SPTAN1: variants seen among roughly 807,000 people sequenced by gnomAD.
SPTAN1 encodes spectrin alpha, non-erythrocytic 1, also known as spectrin alpha chain, non-erythrocytic 1.
Under a neutral mutation model 331.3 loss-of-function variants are expected in SPTAN1, and 61 were observed. The ratio of observed to expected loss-of-function variants is 0.18; its 90% CI spans 0.15 to 0.23. The LOEUF is 0.23. SPTAN1 is among the 10% of genes least tolerant of loss of function. The probability of loss-of-function intolerance (pLI) is 1.00; values close to 1 mark genes in which losing one functional copy is unlikely to be tolerated. For missense variants in SPTAN1, 2,043 were observed against 3,147.9 expected, an observed-to-expected ratio of 0.65 and a Z score of 8.40; for synonymous variants, 1,153 against 1,173.9, an observed-to-expected ratio of 0.98 and a Z score of 0.36.
chr9:128,611,572 C>T, intron 37 of SPTAN1, 142 bp from the exon 38 acceptor site: 1 of 914,154 alleles, frequency 1.1e-6, no homozygotes, highest in East Asian at 2.6e-5. Flanking sequence ...ATACAAACTC[C>T]AATTGCCTTC....
chr9:128,569,405 G>C (rs1023384005), intron 3 of SPTAN1, among the ~76,000 whole-genome samples: 2 of 152,004 alleles, frequency 1.3e-5, no homozygotes, highest in African/African-American at 4.8e-5. Context: ...CCATGGTGAT[G>C]GGACTGACTT....
chr9:128,594,750 AC>A (rs923602319), intron 24 of SPTAN1, among the ~76,000 whole-genome samples: 4 of 145,964 alleles, frequency 2.7e-5, no homozygotes, highest in African/African-American at 1.0e-4. Flanking sequence ...TTGATTTCTG[AC>A]TGCAAATTAC....
chr9:128,633,118 C>A (rs1009592604), intron 56 of SPTAN1, 91 bp from the exon 57 acceptor site: 2 of 1,600,214 alleles, frequency 1.2e-6, no homozygotes, highest in Non-Finnish European at 1.7e-6. Flanking sequence ...GTAGAAGCAG[C>A]TCCGAGCCCC....
intron 20 of SPTAN1, among the ~76,000 whole-genome samples, chr9:128,588,457 A>T (rs574768316): frequency 8.9e-4 from 134 of 150,912 alleles, no homozygotes; most frequent in Admixed American, 1.3e-3. Context: ...GATTACAGGC[A>T]CGCACCACCA....
intron 41 of SPTAN1, among the ~76,000 whole-genome samples, chr9:128,617,426 C>G (rs76393340): frequency 6.6e-6 from 1 of 152,198 alleles, no homozygotes; most frequent in South Asian, 2.1e-4. Context: ...CTCCAGAATC[C>G]GGACACACAG....
At chr9:128,605,846 G>A (rs963836357) in intron 31 of SPTAN1, among the ~76,000 whole-genome samples, 1 of 152,158 alleles carries the variant, frequency 6.6e-6, no homozygotes, top group East Asian at 1.9e-4. Context: ...ACAAAAATTA[G>A]CCAGGTGTGG....
chr9:128,564,957 G>A (rs1849843066), intron 1 of SPTAN1, among the ~76,000 whole-genome samples: 1 of 152,198 alleles, frequency 6.6e-6, no homozygotes, highest in Non-Finnish European at 1.5e-5. Context: ...AGGCAGGCAT[G>A]TTGGGCCAGA....
chr9:128,569,474 C>T (rs1404725389), intron 3 of SPTAN1, among the ~76,000 whole-genome samples: 2 of 151,212 alleles, frequency 1.3e-5, no homozygotes, highest in Admixed American at 6.6e-5. Context: ...TTTATTGGAG[C>T]TGAGGTAGTA....
Position 128,632,926 on chromosome 9 carries a change from C to A in SPTAN1, c.7279C>A (p.Pro2427Thr). The A allele has an allele frequency of 6.2e-7, 1 of 1,613,272 alleles. No individual in the cohort carries two copies. The highest frequency in any genetic ancestry group is 1.6e-4 in the Middle Eastern group (1 of 6,062). ...CCGGGCCCTCAGCTCAGAGGGAAAG[C>A]CTTACGTGACCAAGGAGGAGCTCTA... ...AFRALSSEGK[P>T]YVTKEELYQN... The change falls in exon 56 of 57, where the codon CCT becomes ACT. Residue 2427 changes from proline to threonine, a missense_variant. This residue lies in a region of SPTAN1 where 88 missense variants were observed against 96.5 expected (regional missense o/e 0.91). Transcript: ENST00000372739.
intron 1 of SPTAN1, among the ~76,000 whole-genome samples, chr9:128,562,591 G>A (rs1296584003): frequency 6.6e-6 from 1 of 152,136 alleles, no homozygotes. Context: ...TGTTTACCTT[G>A]TAGTAAATGT....
chr9:128,574,328 CAATATA>C (rs1851058426), intron 3 of SPTAN1, among the ~76,000 whole-genome samples: 1 of 147,260 alleles, frequency 6.8e-6, no homozygotes, highest in Non-Finnish European at 1.5e-5. Flanking sequence ...TATAACTATA[CAATATA>C]AATATATCAT....
chr9:128,633,299 T>C lies in SPTAN1; in HGVS notation c.7399T>C (p.Tyr2467His). Reference sequence around the variant, plus strand: ...CCGCGAGCTCCCCACCGCGTTCGACTACGTGGAGTTCACCCGCTCGCTTTT... The same window carrying C: ...CCGCGAGCTCCCCACCGCGTTCGACCACGTGGAGTTCACCCGCTCGCTTTT... ...KGRELPTAFD[Y>H]VEFTRSLFVN The change falls in exon 57 of 57, where the codon TAC becomes CAC. Residue 2467 changes from tyrosine to histidine, a missense_variant. Around this residue, in one of 12 missense-constraint regions of SPTAN1, gnomAD observed 88 missense variants for 96.5 expected, o/e 0.91. Transcript: ENST00000372739. 1 of 1,613,982 alleles carries C rather than the reference T, an allele frequency of 6.2e-7. No individual in the cohort carries two copies. Among genetic ancestry groups the C allele is most frequent in the Non-Finnish European group, 8.5e-7 (1 of 1,180,028 alleles).
chr9:128,613,512 C>T (rs747546777), intron 40 of SPTAN1, 27 bp downstream of exon 40: 15 of 1,587,684 alleles, frequency 9.4e-6, no homozygotes, highest in Middle Eastern at 3.8e-4. Flanking sequence ...GGGCCAGGCC[C>T]GAGTGCCTGG....
intron 17 of SPTAN1, 44 bp downstream of exon 17, chr9:128,584,569 G>C (rs1374005496): frequency 4.3e-6 from 7 of 1,613,912 alleles, no homozygotes; most frequent in Non-Finnish European, 5.9e-6. Flanking sequence ...GGGAAAGGCT[G>C]TGCTATTGTA....
chr9:128,584,036 G>A (rs1852265615), intron 16 of SPTAN1, 67 bp downstream of exon 16: 4 of 1,594,828 alleles, frequency 2.5e-6, no homozygotes, highest in Non-Finnish European at 3.4e-6. Context: ...GGAAAAGCCA[G>A]TAATTTGAGA....
intron 24 of SPTAN1, among the ~76,000 whole-genome samples, chr9:128,597,043 C>G (rs1420941872): frequency 5.3e-5 from 8 of 152,134 alleles, no homozygotes; most frequent in Admixed American, 5.2e-4. Context: ...GCCTGTAGAC[C>G]CAGCTACTCG....
chr9:128,576,800 A>C lies in SPTAN1; in HGVS notation c.652-23A>C, dbSNP rs899955354. On this transcript the variant is annotated intron_variant, in intron 5 of 56. Coordinates refer to ENST00000372739, the MANE Select transcript of SPTAN1 (RefSeq NM_001130438.3). ...GGAGCCAGAAGTTGTGTACAAATCC[A>C]GTCTCTTCTCTTCCTTGTTTAGGAG... 10 of 1,612,826 alleles carry C rather than the reference A, an allele frequency of 6.2e-6. No homozygotes were observed. In the Middle Eastern group the frequency reaches 6.6e-4, roughly 106 times the overall value.
chr9:128,568,386 G>A (rs1850278850), intron 2 of SPTAN1, among the ~76,000 whole-genome samples: 1 of 152,216 alleles, frequency 6.6e-6, no homozygotes, highest in Non-Finnish European at 1.5e-5. Context: ...TTTTTCAAGA[G>A]TAAGCACTGA....
At position 128,627,262 on chromosome 9, in the gene SPTAN1, CCTCCT is replaced by C; in HGVS notation, c.6577-120_6577-116del. ...GAGCCGGCCTCATGTCTCCCAGCCT[CCTCCT>C]CTCATCTTTGGGGAGGTTCCTTGTG... On this transcript the variant is annotated intron_variant, in intron 49 of 56. Transcript: ENST00000372739. This position sits in a 1 kb window ranked among gnomAD's most constrained non-coding sequence, Gnocchi z 4.9. 2 of 818,254 alleles carry C rather than the reference CCTCCT, an allele frequency of 2.4e-6. No individual in the cohort carries two copies. The highest frequency in any genetic ancestry group is 4.0e-6 in the Non-Finnish European group (2 of 497,848). The allele number at this position is 818,254 out of a possible 1,614,324, so 50.7% of individuals were successfully genotyped here. A position where few individuals can be genotyped will look rare whatever the true frequency, so the allele number is the denominator to read the frequency against.
Sources: gnomAD v4.1 joint callset for allele counts (sites outside exome capture counted in the v4.1 genomes callset) on GRCh38, gnomAD v4.1.1 for gene constraint, gnomAD v4.1.1 regional missense constraint, Gnocchi (gnomAD v3.1) non-coding constraint, MANE v1.5 for transcripts, NCBI Gene and HGNC (gene_info 2026-07-23, HGNC 2026-07-21) for gene names.